Variants in PPP2R5C observed in about 807,000 individuals in gnomAD.
PPP2R5C encodes protein phosphatase 2 regulatory subunit B'gamma.
PPP2R5C carries 7 observed loss-of-function variants against 68.9 expected under a neutral mutation model. The ratio of observed to expected loss-of-function variants is 0.10; its 90% CI spans 0.06 to 0.19. The LOEUF (loss-of-function observed/expected upper bound fraction) is 0.19. Among genes scored for constraint, PPP2R5C ranks in the 10% least tolerant of loss-of-function variants. The probability of loss-of-function intolerance (pLI) is 1.00; values close to 1 mark genes in which losing one functional copy is unlikely to be tolerated. For missense variants in PPP2R5C, 348 were observed against 641.3 expected (o/e 0.54, Z 4.94); for synonymous variants, 210 against 222.2 (o/e 0.95, Z 0.49).
At position 101,913,158 on chromosome 14, in the gene PPP2R5C, T is replaced by C. The variant is rs532822293; in HGVS notation, c.1326+685T>C. ...ATGACTAGAGCGTTATGACAGTTTCTTCACGTTCTGTGTGCCTGATTATAA... is the reference window on the plus strand; with the variant it reads ...ATGACTAGAGCGTTATGACAGTTTCCTCACGTTCTGTGTGCCTGATTATAA... On this transcript the variant is annotated intron_variant, in intron 12 of 13. Coordinates refer to ENST00000334743, the Ensembl canonical transcript of PPP2R5C. This position sits in a 1 kb window ranked among gnomAD's most constrained non-coding sequence, Gnocchi z 4.1. Among the ~76,000 whole-genome samples, 1 of 152,358 alleles carries C rather than the reference T, an allele frequency of 6.6e-6. No homozygotes were observed. The highest frequency in any genetic ancestry group is 6.5e-5 in the Admixed American group (1 of 15,308).
chr14:101,762,856 C>T (rs761591019), intron 1 of PPP2R5C, 49 bp from the exon 2 acceptor site: 10 of 1,470,510 alleles, frequency 6.8e-6, no homozygotes, highest in African/African-American at 5.6e-5. Context: ...CTGATGTTTA[C>T]CTGTCTAAAA....
intron 3 of PPP2R5C, among the ~76,000 whole-genome samples, chr14:101,798,281 A>G (rs990660005): frequency 6.6e-6 from 1 of 152,230 alleles, no homozygotes; most frequent in Admixed American, 6.5e-5. Context: ...ATAGAAGCAT[A>G]TTTAATTTGC....
chr14:101,798,641 T>A (rs1472467063), intron 3 of PPP2R5C, among the ~76,000 whole-genome samples: 1 of 152,226 alleles, frequency 6.6e-6, no homozygotes, highest in Non-Finnish European at 1.5e-5. Flanking sequence ...AGTACATAGA[T>A]TATTGTAGTT....
intron 1 of PPP2R5C, among the ~76,000 whole-genome samples, chr14:101,830,610 T>C (rs2040679201): frequency 6.6e-6 from 1 of 152,206 alleles, no homozygotes; most frequent in South Asian, 2.1e-4. Context: ...CATCCTGAAG[T>C]GTATCTGGAT....
chr14:101,831,851 G>A, intron 1 of PPP2R5C: 1 of 672,242 alleles, frequency 1.5e-6, no homozygotes, highest in South Asian at 1.5e-5. Context: ...GACCACTGTA[G>A]TCTGTTACTT....
At chr14:101,914,648 G>A (rs935939950) in intron 12 of PPP2R5C, 37 of 159,134 alleles carry the variant, frequency 2.3e-4, no homozygotes, top group African/African-American at 6.7e-4. Context: ...CCACTCAAAC[G>A]TGTGACAGCA....
intron 8 of PPP2R5C, 82 bp from the exon 11 acceptor site, chr14:101,901,637 G>A (rs2045698561): frequency 4.9e-6 from 7 of 1,429,788 alleles, no homozygotes; most frequent in South Asian, 1.2e-5. Context: ...TGGGGCCACC[G>A]CAGTGAAAAC....
intron 6 of PPP2R5C, among the ~76,000 whole-genome samples, chr14:101,890,887 C>G (rs147209754): frequency 6.6e-6 from 1 of 151,358 alleles, no homozygotes; most frequent in African/African-American, 2.4e-5. Context: ...ATTCTGCTGC[C>G]TCAGCCTCCC....
At chr14:101,873,128 A>G (rs1247300790) in intron 2 of PPP2R5C, among the ~76,000 whole-genome samples, 1 of 151,908 alleles carries the variant, frequency 6.6e-6, no homozygotes, top group Non-Finnish European at 1.5e-5. Context: ...TAGTGGTTTG[A>G]TTTGTGTCTT....
At chr14:101,827,532 C>T (rs946800736) in intron 1 of PPP2R5C, among the ~76,000 whole-genome samples, 2 of 152,200 alleles carry the variant, frequency 1.3e-5, no homozygotes, top group African/African-American at 4.8e-5. Context: ...CTGCCATCTG[C>T]ACTGGGCAAG....
intron 3 of PPP2R5C, among the ~76,000 whole-genome samples, chr14:101,798,705 G>A (rs2038727046): frequency 6.6e-6 from 1 of 152,246 alleles, no homozygotes; most frequent in African/African-American, 2.4e-5. Flanking sequence ...GGCCCATTGG[G>A]CTGTGGAAGG....
chr14:101,761,785 G>T (rs2036550826), upstream of PPP2R5C: 1 of 970,578 alleles, frequency 1.0e-6, no homozygotes, highest in South Asian at 4.6e-5. Flanking sequence ...GTCCCCGGGC[G>T]GCGGCGGCGG....
At chr14:101,856,230 G>A (rs909473411) in intron 1 of PPP2R5C, among the ~76,000 whole-genome samples, 1 of 152,172 alleles carries the variant, frequency 6.6e-6, no homozygotes, top group Non-Finnish European at 1.5e-5. Flanking sequence ...ACATAAGGAG[G>A]CATCCTTCCC....
At chr14:101,777,838 T>C (rs746190614) in intron 2 of PPP2R5C, among the ~76,000 whole-genome samples, 7 of 152,120 alleles carry the variant, frequency 4.6e-5, no homozygotes, top group Non-Finnish European at 8.8e-5. Context: ...GATGGTACAA[T>C]GATGGCTCAC....
chr14:101,903,749 C>G (rs904269411), intron 9 of PPP2R5C, among the ~76,000 whole-genome samples: 1 of 151,844 alleles, frequency 6.6e-6, no homozygotes, highest in African/African-American at 2.4e-5. Flanking sequence ...GATCTCGGCT[C>G]ATTGCAACCT....
At chr14:101,821,092 A>T (rs1165460600) in intron 1 of PPP2R5C, 1 of 148,904 alleles carries the variant, frequency 6.7e-6, no homozygotes, top group African/African-American at 2.5e-5. Context: ...TAAAAAAAAA[A>T]ATAAAATAAA....
intron 9 of PPP2R5C, among the ~76,000 whole-genome samples, chr14:101,905,397 G>A (rs1000864631): frequency 3.3e-5 from 5 of 151,720 alleles, no homozygotes; most frequent in African/African-American, 1.2e-4. Flanking sequence ...GGTAGCTCAC[G>A]CCTGTAATCC....
chr14:101,876,031 G>T (rs2043752274), intron 2 of PPP2R5C, among the ~76,000 whole-genome samples: 2 of 152,150 alleles, frequency 1.3e-5, no homozygotes, highest in South Asian at 4.1e-4. Flanking sequence ...GGTGGTTGCT[G>T]TTGGTTTCAT....
chr14:101,809,151 T>C (rs2039202276), upstream of PPP2R5C, among the ~76,000 whole-genome samples: 2 of 152,342 alleles, frequency 1.3e-5, no homozygotes, highest in African/African-American at 4.8e-5. Flanking sequence ...TTTGCTTTCT[T>C]ACTCCCACGG....
Sources: allele counts gnomAD v4.1 joint callset (sites outside exome capture counted in the v4.1 genomes callset), GRCh38; gene constraint gnomAD v4.1.1; non-coding constraint Gnocchi (gnomAD v3.1); transcripts MANE v1.5; gene names NCBI Gene and HGNC (gene_info 2026-07-23, HGNC 2026-07-21).